Variants in PLCB4 observed in about 807,000 individuals in gnomAD.
PLCB4 encodes phospholipase C beta 4.
Under a neutral mutation model 178.8 loss-of-function variants are expected in PLCB4, and 77 were observed. The ratio of observed to expected loss-of-function variants is 0.43; its 90% confidence interval spans 0.36 to 0.52. The LOEUF is 0.52. Among genes scored for constraint, PLCB4 ranks in the 20% least tolerant of loss-of-function variants. The pLI, the probability that PLCB4 is intolerant of heterozygous loss-of-function variation, is 0.00. For missense variants in PLCB4, 1,024 were observed against 1,453.4 expected (o/e 0.70, Z 4.80); for synonymous variants, 496 against 490.8 (o/e 1.01, Z -0.14).
intron 4 of PLCB4, among the ~76,000 whole-genome samples, chr20:9,314,744 C>T (rs1213144449): frequency 6.6e-6 from 1 of 152,066 alleles, no homozygotes; most frequent in African/African-American, 2.4e-5. Flanking sequence ...TCTCTCAGTC[C>T]TCTTCTCTCA....
chr20:9,277,577 C>G (rs2094460840), intron 3 of PLCB4, among the ~76,000 whole-genome samples: 1 of 152,014 alleles, frequency 6.6e-6, no homozygotes, highest in African/African-American at 2.4e-5. Flanking sequence ...CCTTGCACCA[C>G]AGTTACAAAA....
At position 9,384,312 on chromosome 20, in the gene PLCB4, A is replaced by G. The variant is rs554025972; in HGVS notation, c.965A>G (p.Tyr322Cys). The change falls in exon 14 of 40, where the codon TAC becomes TGC. Residue 322 changes from tyrosine (Y) to cysteine (C), a missense_variant. Coordinates refer to ENST00000378473, the MANE Select transcript of PLCB4 (RefSeq NM_001377142.1). ...GAAATGGACCATCCTCTGGCTCACT[A>G]CTTCATCAGTTCTTCCCATAACACT... ...YQEMDHPLAHYFISSSHNTYL... is the reference protein window; with the variant it reads ...YQEMDHPLAHCFISSSHNTYL... The G allele has an allele frequency of 6.2e-7, 1 of 1,614,014 alleles. No individual in the cohort carries two copies. The highest frequency in any genetic ancestry group is 1.3e-5 in the African/African-American group (1 of 75,018).
chr20:9,375,941 C>T (rs747599881), intron 12 of PLCB4, among the ~76,000 whole-genome samples: 5 of 152,084 alleles, frequency 3.3e-5, no homozygotes, highest in African/African-American at 7.2e-5. Flanking sequence ...TACCACCTTC[C>T]AGCTGGTTAA....
At chr20:9,458,058 ATTC>A (rs990214518) in intron 34 of PLCB4, among the ~76,000 whole-genome samples, 3 of 152,090 alleles carry the variant, frequency 2.0e-5, no homozygotes, top group Non-Finnish European at 4.4e-5. Context: ...AATGAAAACA[ATTC>A]TTCCAGCAAT....
chr20:9,203,205 T>C (rs1169318996), intron 2 of PLCB4, among the ~76,000 whole-genome samples: 1 of 151,922 alleles, frequency 6.6e-6, no homozygotes, highest in Admixed American at 6.6e-5. Flanking sequence ...ATACATTTTA[T>C]GTTTGTTGAG....
chr20:9,384,562 AAAG>A (rs2037414195), intron 14 of PLCB4, 151 bp downstream of exon 14: 3 of 629,114 alleles, frequency 4.8e-6, no homozygotes, highest in Non-Finnish European at 2.8e-6. Context: ...AACGTTGAGA[AAAG>A]AAGGACAGTA....
chr20:9,137,711 A>T (rs12481258), intron 2 of PLCB4, among the ~76,000 whole-genome samples: 19 of 150,608 alleles, frequency 1.3e-4, no homozygotes, highest in South Asian at 1.0e-3. Flanking sequence ...TATGTTTCTC[A>T]TCCCTTTAAT....
rs1399140801 is a variant in PLCB4 at position 9,480,691 on chromosome 20, A to G, written c.*1682A>G. 6.6e-6 allele frequency: 1 copy of G among 152,194 alleles called. No individual in the cohort carries two copies. The highest frequency in any genetic ancestry group is 1.5e-5 in the Non-Finnish European group (1 of 68,026). 9.4% of individuals were successfully genotyped at this position (152,194 alleles called of 1,614,324 possible). ...TGATTTGAAGTGGATTCTGTAAAAT[A>G]TCTCTTGTTCTTAGTTTCCTTATCT... On this transcript the variant is annotated 3_prime_UTR_variant, in exon 40 of 40. Coordinates refer to ENST00000378473, the MANE Select transcript of PLCB4 (RefSeq NM_001377142.1).
At chr20:9,357,382 G>C (rs1380510895) in intron 7 of PLCB4, among the ~76,000 whole-genome samples, 1 of 152,148 alleles carries the variant, frequency 6.6e-6, no homozygotes, top group Non-Finnish European at 1.5e-5. Context: ...AGCCCAGGTG[G>C]GGTGGGACAT....
intron 7 of PLCB4, among the ~76,000 whole-genome samples, chr20:9,351,053 A>G (rs562127001): frequency 6.6e-6 from 1 of 152,306 alleles, no homozygotes; most frequent in South Asian, 2.1e-4. Context: ...AAAAAAGTCC[A>G]CATATAAAGG....
At chr20:9,215,310 C>G (rs2093718066) in intron 2 of PLCB4, among the ~76,000 whole-genome samples, 1 of 152,118 alleles carries the variant, frequency 6.6e-6, no homozygotes, top group Non-Finnish European at 1.5e-5. Context: ...GATTGAAAAT[C>G]TGGTAAATGT....
At chr20:9,298,564 C>T (rs2064184) in intron 3 of PLCB4, among the ~76,000 whole-genome samples, 37,303 of 151,868 alleles carry the variant, frequency 0.25, 4,901 homozygotes, top group East Asian at 0.37. Context: ...ACCTATAACA[C>T]GATCACAAAT....
chr20:9,461,657 A>G (rs2043402596), intron 35 of PLCB4, among the ~76,000 whole-genome samples: 1 of 152,220 alleles, frequency 6.6e-6, no homozygotes. Flanking sequence ...GCTCACTGCT[A>G]GTGCAGCAGT....
chr20:9,313,439 C>A (rs1667493495), intron 4 of PLCB4, among the ~76,000 whole-genome samples: 1 of 152,042 alleles, frequency 6.6e-6, no homozygotes, highest in East Asian at 1.9e-4. Flanking sequence ...AGTTGATGTA[C>A]AATAGAGGCT....
At chr20:9,289,716 G>A (rs2147754761) in intron 3 of PLCB4, among the ~76,000 whole-genome samples, 1 of 152,140 alleles carries the variant, frequency 6.6e-6, no homozygotes, top group Admixed American at 6.5e-5. Context: ...TTCGTCATGA[G>A]AACCAAGGTC....
At chr20:9,078,956 A>G (rs2090013604) in intron 1 of PLCB4, among the ~76,000 whole-genome samples, 1 of 152,118 alleles carries the variant, frequency 6.6e-6, no homozygotes, top group African/African-American at 2.4e-5. Context: ...TTTAAGAAAA[A>G]TTCTGGTTTG....
rs144345083 is a variant in PLCB4 at position 9,362,947 on chromosome 20, G to A, written c.421G>A (p.Val141Ile). Residue 141 changes from valine to isoleucine, a missense_variant, in exon 8 of 40, where the codon GTC becomes ATC. Physicochemically the swap from Val to Ile is conservative, Grantham distance 29. Around this residue, in one of 7 missense-constraint regions of PLCB4, gnomAD observed 225 missense variants for 291.0 expected, o/e 0.77. Coordinates refer to ENST00000378473, the MANE Select transcript of PLCB4 (RefSeq NM_001377142.1). ...CATACACAACTTCAGGGCCAACAAC[G>A]TCAGTCCAATGACATGCCTCAAGAA... Reference protein sequence around the residue: ...SIIHNFRANNVSPMTCLKKHW... With the variant: ...SIIHNFRANNISPMTCLKKHW... 537 of 1,612,352 alleles carry A rather than the reference G, an allele frequency of 3.3e-4. 1 individual carries two copies. Among genetic ancestry groups the A allele is most frequent in the Non-Finnish European group, 4.1e-4 (485 of 1,178,612 alleles).
rs1448578784 is a variant in PLCB4, at chr20:9,133,881, C to T, written c.-79+37539C>T. ...AACCTTTAGGAGACATCAGTGTCAA[C>T]TCCAGGTGGGCTTCACAATACTCCA... On this transcript the variant is annotated intron_variant, in intron 2 of 39. Transcript: ENST00000378473. 2.6e-5 allele frequency among the ~76,000 whole-genome samples: 4 copies of T among 152,176 alleles called. No individual in the cohort carries two copies. The East Asian group carries it at 5.8e-4, about 22-fold the overall frequency.
At chr20:9,262,233 A>G (rs549548160) in intron 3 of PLCB4, among the ~76,000 whole-genome samples, 1 of 152,310 alleles carries the variant, frequency 6.6e-6, no homozygotes, top group Non-Finnish European at 1.5e-5. Flanking sequence ...GATCAGAGAC[A>G]TTCACAAGGA....
Sources: gnomAD v4.1 joint callset for allele counts (sites outside exome capture counted in the v4.1 genomes callset) on GRCh38, gnomAD v4.1.1 for gene constraint, gnomAD v4.1.1 regional missense constraint, MANE v1.5 for transcripts, NCBI Gene and HGNC (gene_info 2026-07-23, HGNC 2026-07-21) for gene names.